The following CAMSAP2 variants were observed in gnomAD, a reference collection of about 807,000 sequenced individuals.
CAMSAP2 encodes calmodulin-regulated spectrin-associated protein 2.
CAMSAP2 carries 26 observed loss-of-function variants against 146.1 expected under a neutral mutation model. That is an observed-to-expected ratio of 0.18 (90% CI 0.13 to 0.25). The LOEUF (loss-of-function observed/expected upper bound fraction) is 0.25. CAMSAP2 is among the 10% of genes least tolerant of loss of function. The pLI, the probability that CAMSAP2 is intolerant of heterozygous loss-of-function variation, is 1.00. For missense variants in CAMSAP2, 1,381 were observed against 1,759.3 expected (o/e 0.78, Z 3.85); for synonymous variants, 499 against 596.6 (o/e 0.84, Z 2.38).
At chr1:200,826,334 A>G (rs1326581071) in intron 4 of CAMSAP2, among the ~76,000 whole-genome samples, 2 of 151,716 alleles carry the variant, frequency 1.3e-5, no homozygotes, top group Non-Finnish European at 2.9e-5. Context: ...AGGGAGGCTG[A>G]GGTGGGAGAA....
At chr1:200,767,868 A>G (rs978714443) in intron 2 of CAMSAP2, among the ~76,000 whole-genome samples, 5 of 152,218 alleles carry the variant, frequency 3.3e-5, no homozygotes, top group African/African-American at 1.2e-4. Flanking sequence ...TCTGTTACAA[A>G]TTCACAATAT....
At chr1:200,829,898 G>T (rs1377864808) in intron 4 of CAMSAP2, among the ~76,000 whole-genome samples, 1 of 151,996 alleles carries the variant, frequency 6.6e-6, no homozygotes, top group African/African-American at 2.4e-5. Context: ...CTGCACTCCA[G>T]CCTGGGTAAC....
chr1:200,848,973 G>A lies in CAMSAP2; in HGVS notation c.2204G>A (p.Gly735Glu). 6.2e-7 allele frequency: 1 copy of A among 1,614,080 alleles called. No homozygotes were observed. The highest frequency in any genetic ancestry group is 8.5e-7 in the Non-Finnish European group (1 of 1,180,004). ...TGGGCACAAATTCCAGAAGAAACAG[G>A]GCTTCCACAGGGACGGGACACTACC... The part of the protein sequence containing the change: ...VAWAQIPEET[G>E]LPQGRDTTQL... Residue 735 changes from glycine (G) to glutamate (E), a missense_variant, in exon 11 of 17, where the codon GGG becomes GAG. This residue lies in a region of CAMSAP2 where 560 missense variants were observed against 715.9 expected (regional missense o/e 0.78). Coordinates refer to ENST00000358823, the MANE Select transcript of CAMSAP2 (RefSeq NM_203459.4).
chr1:200,811,917 A>G (rs1019582901), intron 3 of CAMSAP2, among the ~76,000 whole-genome samples: 3 of 151,978 alleles, frequency 2.0e-5, no homozygotes, highest in Non-Finnish European at 4.4e-5. Context: ...TCACCTCTGA[A>G]CCGTTGAACC....
rs1664111904 is a variant in CAMSAP2, at chr1:200,740,050, C to T, written c.139+84C>T. ...TTTGTTCCCGATTCTCGAATCCCTC[C>T]CTCCCCGTGCCTGTCTTCTCGTACA... is the stretch of plus-strand genomic sequence containing the variant. On this transcript the variant is annotated intron_variant, in intron 1 of 16. Coordinates refer to ENST00000358823, the MANE Select transcript of CAMSAP2 (RefSeq NM_203459.4). 5 of 1,445,114 alleles carry T rather than the reference C, an allele frequency of 3.5e-6. No individual in the cohort carries two copies. The South Asian group carries it at 6.1e-5, about 18-fold the overall frequency. The allele number at this position is 1,445,114 out of a possible 1,614,324, so 89.5% of individuals were successfully genotyped here. A position where few individuals can be genotyped will look rare whatever the true frequency, so the allele number is the denominator to read the frequency against.
intron 2 of CAMSAP2, among the ~76,000 whole-genome samples, chr1:200,780,359 A>G (rs1165519596): frequency 6.6e-6 from 1 of 152,224 alleles, no homozygotes. Context: ...AGTCTTTTGT[A>G]ACCCTTTAGC....
At chr1:200,760,188 G>A (rs938736489) in intron 1 of CAMSAP2, among the ~76,000 whole-genome samples, 14 of 152,168 alleles carry the variant, frequency 9.2e-5, no homozygotes, top group Non-Finnish European at 1.6e-4. Context: ...TTTCAGGTAG[G>A]ATGGGGAGTG....
rs570766117 is a variant in CAMSAP2, at chr1:200,813,145, T to G, written c.562-2416T>G. ...CAGATCAAGGTGCCAGCAGATTCAG[T>G]TTTTGGTCAGGACTTGCTCTCTGCT... On this transcript the variant is annotated intron_variant, in intron 3 of 16. Transcript: ENST00000358823. 4.6e-5 allele frequency among the ~76,000 whole-genome samples: 7 copies of G among 152,324 alleles called. No homozygotes were observed. The East Asian group carries it at 1.3e-3, about 29-fold the overall frequency.
chr1:200,747,847 C>T (rs983094468), intron 1 of CAMSAP2, among the ~76,000 whole-genome samples: 1 of 152,022 alleles, frequency 6.6e-6, no homozygotes, highest in African/African-American at 2.4e-5. Flanking sequence ...ATTAGCCGGG[C>T]GTAGTGGCGG....
At chr1:200,764,751 G>A (rs1304067674) in intron 2 of CAMSAP2, among the ~76,000 whole-genome samples, 1 of 152,128 alleles carries the variant, frequency 6.6e-6, no homozygotes, top group Admixed American at 6.5e-5. Context: ...TCCCGTAAAT[G>A]GCAATTCAAA....
chr1:200,801,969 G>A lies in CAMSAP2; in HGVS notation c.400-5407G>A, dbSNP rs540577651. ...AGCTAGTAACCCCTAGTTTAACTGA[G>A]TTGAGGACAGTAGTAATACTATGGT... On this transcript the variant is annotated intron_variant, in intron 2 of 16. Transcript: ENST00000358823. 4.6e-5 allele frequency among the ~76,000 whole-genome samples: 7 copies of A among 152,304 alleles called. No individual in the cohort carries two copies. In the East Asian group the frequency reaches 1.4e-3, roughly 29 times the overall value.
At chr1:200,840,928 G>A (rs938504341) in intron 6 of CAMSAP2, among the ~76,000 whole-genome samples, 1 of 152,024 alleles carries the variant, frequency 6.6e-6, no homozygotes, top group African/African-American at 2.4e-5. Flanking sequence ...GCCTAAAATT[G>A]AAATAATTCT....
At chr1:200,768,785 C>G (rs1665031153) in intron 2 of CAMSAP2, among the ~76,000 whole-genome samples, 1 of 152,122 alleles carries the variant, frequency 6.6e-6, no homozygotes, top group African/African-American at 2.4e-5. Flanking sequence ...TCCCAAGTAG[C>G]TGGGACTACA....
intron 6 of CAMSAP2, among the ~76,000 whole-genome samples, chr1:200,841,249 A>G (rs976009269): frequency 6.6e-6 from 1 of 152,132 alleles, no homozygotes; most frequent in African/African-American, 2.4e-5. Context: ...GCACATACAT[A>G]TAACTTTTTT....
At position 200,860,581 on chromosome 1, in the gene CAMSAP2, C is replaced by T. The variant is rs1350452208; in HGVS notation, c.*2522C>T. 1 of 152,332 alleles carries T rather than the reference C, an allele frequency of 6.6e-6. No individual in the cohort carries two copies. Among genetic ancestry groups the T allele is most frequent in the African/African-American group, 2.4e-5 (1 of 41,444 alleles). 9.4% of individuals were successfully genotyped at this position (152,332 alleles called of 1,614,324 possible). A position where few individuals can be genotyped will look rare whatever the true frequency, so the allele number is the denominator to read the frequency against. ...TGTATGGTGTGCTTACCTGTCCACTCTAGAGCATTGCTTACAGGTTTTTTG... is the reference window on the plus strand; with the variant it reads ...TGTATGGTGTGCTTACCTGTCCACTTTAGAGCATTGCTTACAGGTTTTTTG... On this transcript the variant is annotated 3_prime_UTR_variant, in exon 17 of 17. Coordinates refer to ENST00000358823, the MANE Select transcript of CAMSAP2 (RefSeq NM_203459.4).
At chr1:200,847,849 A>G (rs1667500671) in intron 10 of CAMSAP2, 140 bp downstream of exon 10, 1 of 871,512 alleles carries the variant, frequency 1.1e-6, no homozygotes, top group Non-Finnish European at 1.8e-6. Context: ...TAGGCAGATG[A>G]TAGAGATGTA....
At chr1:200,751,370 T>C (rs1664501255) in intron 1 of CAMSAP2, among the ~76,000 whole-genome samples, 2 of 151,730 alleles carry the variant, frequency 1.3e-5, no homozygotes, top group Admixed American at 1.3e-4. Flanking sequence ...ATAATCTCAT[T>C]TAAAAATTGG....
intron 1 of CAMSAP2, among the ~76,000 whole-genome samples, chr1:200,753,674 A>T (rs983005217): frequency 1.3e-5 from 2 of 152,104 alleles, no homozygotes; most frequent in Admixed American, 1.3e-4. Context: ...CTAAACCCCT[A>T]CTACTTCTGC....
At position 200,832,272 on chromosome 1, in the gene CAMSAP2, G is replaced by A. The variant is rs1334042880; in HGVS notation, c.718G>A (p.Asp240Asn). The change falls in exon 5 of 17, where the codon GAT becomes AAT. Residue 240 changes from aspartate (D) to asparagine (N), a missense_variant. By Grantham distance (23) the Asp-to-Asn change is conservative. This residue lies in a region of CAMSAP2 where 284 missense variants were observed against 406.9 expected (regional missense o/e 0.70). Transcript: ENST00000358823. This position sits in a 1 kb window ranked among gnomAD's most constrained non-coding sequence, Gnocchi z 4.2. ...TCCATTGGTAGAAAATTTGTTGAAG[G>A]ATGGGACAGATGGCTGTGCATTAGC... ...CIPLVENLLK[D>N]GTDGCALAAL... 7 of 1,613,388 alleles carry A rather than the reference G, an allele frequency of 4.3e-6. No individual in the cohort carries two copies. The highest frequency in any genetic ancestry group is 1.7e-5 in the Admixed American group (1 of 59,954).
Sources: gnomAD v4.1 joint callset for allele counts (sites outside exome capture counted in the v4.1 genomes callset) on GRCh38, gnomAD v4.1.1 for gene constraint, gnomAD v4.1.1 regional missense constraint, Gnocchi (gnomAD v3.1) non-coding constraint, MANE v1.5 for transcripts, NCBI Gene and HGNC (gene_info 2026-07-23, HGNC 2026-07-21) for gene names.